The following HTR2C variants were observed in gnomAD, a reference collection of about 807,000 sequenced individuals.
The protein encoded by HTR2C is 5-hydroxytryptamine (serotonin) receptor 2C, G protein-coupled.
Under a neutral mutation model 21.0 loss-of-function variants are expected in HTR2C, and 5 were observed. The ratio of observed to expected loss-of-function variants is 0.24; its 90% CI spans 0.12 to 0.50. The LOEUF (loss-of-function observed/expected upper bound fraction) is 0.50. Among genes scored for constraint, HTR2C ranks in the 20% least tolerant of loss-of-function variants. HTR2C has a pLI of 0.98. For synonymous variants in HTR2C, 150 were observed against 145.3 expected (o/e 1.03, Z -0.23); for missense variants, 271 against 371.2 (o/e 0.73, Z 2.22).
At chrX:114,701,616 C>A (rs1411059704) in intron 2 of HTR2C, among the ~76,000 whole-genome samples, 5 of 111,625 alleles carry the variant, frequency 4.5e-5, no homozygotes, top group Non-Finnish European at 9.4e-5. Context: ...TGGGAAAAAA[C>A]AGAGCAGAAA....
At chrX:114,596,486 A>G (rs1457533108) in intron 1 of HTR2C, among the ~76,000 whole-genome samples, 4 of 111,788 alleles carry the variant, frequency 3.6e-5, no homozygotes, top group Non-Finnish European at 7.5e-5. Context: ...GTTACAAAAG[A>G]AAACAAATTC....
At chrX:114,701,039 G>A (rs1316576849) in intron 2 of HTR2C, among the ~76,000 whole-genome samples, 2 of 112,347 alleles carry the variant, frequency 1.8e-5, no homozygotes, top group African/African-American at 6.5e-5. Context: ...GCTTGCTTAG[G>A]TAAACAAAGC....
At chrX:114,758,864 T>C (rs1315043321) in intron 4 of HTR2C, among the ~76,000 whole-genome samples, 1 of 111,898 alleles carries the variant, frequency 8.9e-6, no homozygotes, top group African/African-American at 3.2e-5. Flanking sequence ...TTAAATCTTC[T>C]TTTTGAAATA....
intron 5 of HTR2C, among the ~76,000 whole-genome samples, chrX:114,899,361 G>A (rs1346777337): frequency 2.7e-5 from 3 of 111,220 alleles, no homozygotes; most frequent in African/African-American, 9.8e-5. Flanking sequence ...CTAGTGGTAT[G>A]TACGGACCTC....
intron 4 of HTR2C, among the ~76,000 whole-genome samples, chrX:114,784,091 TTAAA>T (rs2070147411): frequency 9.6e-6 from 1 of 103,710 alleles, no homozygotes; most frequent in South Asian, 4.2e-4. Flanking sequence ...CAGAAATTAA[TTAAA>T]TAAAAACAAA....
chrX:114,684,006 G>GA (rs1279845710), intron 2 of HTR2C, among the ~76,000 whole-genome samples: 8 of 109,806 alleles, frequency 7.3e-5, no homozygotes, highest in South Asian at 3.8e-4. Context: ...ATCTTTCCCT[G>GA]AAAAAAAATG....
intron 4 of HTR2C, among the ~76,000 whole-genome samples, chrX:114,732,546 A>T (rs2069547095): frequency 9.0e-6 from 1 of 111,554 alleles, no homozygotes; most frequent in South Asian, 3.7e-4. Flanking sequence ...TAATGTAAAA[A>T]TTAAGTAGCC....
At chrX:114,831,642 G>T (rs1425164818) in intron 4 of HTR2C, among the ~76,000 whole-genome samples, 8 of 107,630 alleles carry the variant, frequency 7.4e-5, no homozygotes, top group Admixed American at 7.0e-4. Context: ...CTCCCATTTT[G>T]CAGGTTGCTT....
At chrX:114,658,944 G>A (rs1181601038) in intron 2 of HTR2C, among the ~76,000 whole-genome samples, 1 of 111,466 alleles carries the variant, frequency 9.0e-6, no homozygotes, top group Non-Finnish European at 1.9e-5. Context: ...TTCTCATGCT[G>A]CTAATAAAGA....
At chrX:114,823,850 G>A (rs781799313) in intron 4 of HTR2C, among the ~76,000 whole-genome samples, 4 of 111,238 alleles carry the variant, frequency 3.6e-5, no homozygotes, top group East Asian at 2.9e-4. Context: ...GAGCTACACC[G>A]AATTAGGGAG....
At chrX:114,806,053 T>TACCATATATAC (rs1177369814) in intron 4 of HTR2C, among the ~76,000 whole-genome samples, 1 of 36,903 alleles carries the variant, frequency 2.7e-5, no homozygotes, top group African/African-American at 7.4e-5. Flanking sequence ...ACCATATGCA[T>TACCATATATAC]ACCATATATA....
chrX:114,660,295 T>C (rs1459580282), intron 2 of HTR2C, among the ~76,000 whole-genome samples: 5 of 112,410 alleles, frequency 4.4e-5, no homozygotes, highest in African/African-American at 1.6e-4. Context: ...CTCATTCCTG[T>C]CTTCCAAACA....
intron 2 of HTR2C, among the ~76,000 whole-genome samples, chrX:114,650,064 G>C (rs1353437534): frequency 8.9e-6 from 1 of 111,977 alleles, no homozygotes. Context: ...TGACGTTTCT[G>C]TCTATTTTGA....
intron 2 of HTR2C, among the ~76,000 whole-genome samples, chrX:114,678,211 T>C (rs994914928): frequency 9.1e-6 from 1 of 109,906 alleles, no homozygotes; most frequent in Non-Finnish European, 1.9e-5. Context: ...CAGACAGTTA[T>C]GTGCATGAGA....
chrX:114,743,985 T>C (rs2069676736), intron 4 of HTR2C, among the ~76,000 whole-genome samples: 1 of 111,603 alleles, frequency 9.0e-6, no homozygotes, highest in African/African-American at 3.3e-5. Context: ...TAATCTACAG[T>C]GGCAGAAAGA....
chrX:114,776,904 C>T (rs113151142), intron 4 of HTR2C: 2,178 of 146,932 alleles, frequency 0.015, 53 homozygotes, highest in African/African-American at 0.065. Context: ...AATTTCATAG[C>T]AAATACTATG....
intron 5 of HTR2C, among the ~76,000 whole-genome samples, chrX:114,902,307 A>T (rs1233622829): frequency 9.0e-6 from 1 of 111,510 alleles, no homozygotes; most frequent in Admixed American, 9.6e-5. Flanking sequence ...TAAATAACTT[A>T]ATGCATTAAC....
At chrX:114,829,363 T>A (rs1383826380) in intron 4 of HTR2C, among the ~76,000 whole-genome samples, 1 of 111,877 alleles carries the variant, frequency 8.9e-6, no homozygotes, top group East Asian at 2.8e-4. Context: ...TATATCTCAT[T>A]TGGAGAAATG....
chrX:114,846,684 A>G (rs1453064320), intron 4 of HTR2C, among the ~76,000 whole-genome samples: 1 of 112,329 alleles, frequency 8.9e-6, no homozygotes, highest in East Asian at 2.8e-4. Flanking sequence ...TATAAAAAAC[A>G]AAAACAAAAC....
Sources: allele counts gnomAD v4.1 joint callset (sites outside exome capture counted in the v4.1 genomes callset), GRCh38; gene constraint gnomAD v4.1.1; transcripts MANE v1.5; gene names NCBI Gene and HGNC (gene_info 2026-07-23, HGNC 2026-07-21).